Variants in PTCSC3 observed in about 807,000 individuals in gnomAD.
PTCSC3 encodes papillary thyroid carcinoma susceptibility candidate 3.
At chr14:36,143,632 T>G (rs1200136076) in intron 3 of PTCSC3, among the ~76,000 whole-genome samples, 3 of 149,768 alleles carry the variant, frequency 2.0e-5, no homozygotes, top group African/African-American at 4.9e-5. Context: ...GATGGTAGTT[T>G]CTTTTGCTAT....
chr14:36,142,394 G>T (rs1420526882), intron 3 of PTCSC3, among the ~76,000 whole-genome samples: 1 of 152,046 alleles, frequency 6.6e-6, no homozygotes, highest in Non-Finnish European at 1.5e-5. Flanking sequence ...GTATTTTGTT[G>T]GAGATTTTAA....
intron 2 of PTCSC3, among the ~76,000 whole-genome samples, chr14:36,159,730 G>T (rs1200522734): frequency 6.6e-6 from 1 of 152,184 alleles, no homozygotes; most frequent in Admixed American, 6.5e-5. Flanking sequence ...TTGATTTGGG[G>T]TGGAGAGTTC....
At chr14:36,155,897 G>A (rs1470935297) in intron 2 of PTCSC3, among the ~76,000 whole-genome samples, 1 of 152,090 alleles carries the variant, frequency 6.6e-6, no homozygotes, top group African/African-American at 2.4e-5. Flanking sequence ...TCTCCTTTGG[G>A]TTATTGTTCA....
chr14:36,137,585 G>C (rs1881316733), intron 3 of PTCSC3, among the ~76,000 whole-genome samples: 1 of 152,132 alleles, frequency 6.6e-6, no homozygotes, highest in Non-Finnish European at 1.5e-5. Context: ...GAAATGGTTG[G>C]ATTCTGTGTG....
intron 1 of PTCSC3, among the ~76,000 whole-genome samples, chr14:36,172,429 TA>T (rs1234456474): frequency 2.6e-5 from 4 of 151,972 alleles, no homozygotes; most frequent in East Asian, 1.9e-4. Flanking sequence ...AACAGGAAAA[TA>T]AAAAATGGTA....
chr14:36,170,560 G>A (rs1346111113), intron 1 of PTCSC3, among the ~76,000 whole-genome samples: 3 of 152,046 alleles, frequency 2.0e-5, no homozygotes, highest in Admixed American at 2.0e-4. Context: ...GCATTGTGGT[G>A]CCTGGCATGT....
chr14:36,166,174 G>C (rs1882083131), intron 1 of PTCSC3, among the ~76,000 whole-genome samples: 2 of 152,136 alleles, frequency 1.3e-5, no homozygotes, highest in Non-Finnish European at 2.9e-5. Flanking sequence ...TTGTGTGCAG[G>C]ATTTCATGCT....
At chr14:36,154,086 G>A (rs1443097700) in intron 2 of PTCSC3, among the ~76,000 whole-genome samples, 1 of 150,570 alleles carries the variant, frequency 6.6e-6, no homozygotes, top group Non-Finnish European at 1.5e-5. Flanking sequence ...AAAAACTACT[G>A]CTACAATATT....
rs936430680 is a variant in PTCSC3 at position 36,140,595 on chromosome 14, A to G, written n.323-4239T>C. On this transcript the variant is annotated intron_variant and non_coding_transcript_variant, in intron 3 of 3. Coordinates refer to ENST00000556013, the Ensembl canonical transcript of PTCSC3. The stretch of plus-strand genomic sequence containing the variant: ...TCCCTAATGACATGTGATGCTGAAC[A>G]TATTTTCATATGATCATTTGCCACA... 2.0e-5 allele frequency among the ~76,000 whole-genome samples: 3 copies of G among 152,322 alleles called. 1 individual carries two copies.
At chr14:36,147,713 G>A (rs891552291) in intron 3 of PTCSC3, among the ~76,000 whole-genome samples, 30 of 152,156 alleles carry the variant, frequency 2.0e-4, no homozygotes, top group Admixed American at 8.5e-4. Context: ...GAGGAACTGC[G>A]TTCCTTTGGA....
At position 36,140,943 on chromosome 14, in the gene PTCSC3, G is replaced by A. The variant is rs1328173539; in HGVS notation, n.323-4587C>T. On this transcript the variant is annotated intron_variant and non_coding_transcript_variant, in intron 3 of 3. Transcript: ENST00000556013. ...GTCTGTGTCTCGACTTTTTTGAGGG[G>A]GGAATACAAATGTCCAGTTTTTGTA... Among the ~76,000 whole-genome samples the A allele has an allele frequency of 2.0e-5, 3 of 151,982 alleles. No homozygotes were observed. The East Asian group carries it at 5.8e-4, about 29-fold the overall frequency.
chr14:36,155,716 T>G (rs781232045), intron 2 of PTCSC3, among the ~76,000 whole-genome samples: 22 of 152,160 alleles, frequency 1.4e-4, no homozygotes, highest in Admixed American at 6.5e-4. Context: ...CACAAAATAA[T>G]CCTAAGATTT....
At chr14:36,171,776 A>AG (rs1882198275) in intron 1 of PTCSC3, among the ~76,000 whole-genome samples, 1 of 152,176 alleles carries the variant, frequency 6.6e-6, no homozygotes, top group Non-Finnish European at 1.5e-5. Context: ...CCACATGAGG[A>AG]GGCTGGCTAG....
intron 1 of PTCSC3, among the ~76,000 whole-genome samples, chr14:36,175,335 G>C (rs1415040253): frequency 6.6e-6 from 1 of 152,122 alleles, no homozygotes. Flanking sequence ...GAAATCGGAT[G>C]CTTCACATAT....
At chr14:36,169,387 G>A (rs1882153257) in intron 1 of PTCSC3, among the ~76,000 whole-genome samples, 1 of 152,250 alleles carries the variant, frequency 6.6e-6, no homozygotes, top group Non-Finnish European at 1.5e-5. Flanking sequence ...GATGAGTATG[G>A]TTGTGTGTGT....
intron 2 of PTCSC3, among the ~76,000 whole-genome samples, chr14:36,161,968 G>A (rs1443016054): frequency 2.0e-5 from 3 of 152,160 alleles, no homozygotes; most frequent in African/African-American, 7.2e-5. Flanking sequence ...TGCGGTGGGC[G>A]TCTCCAAGTT....
intron 2 of PTCSC3, among the ~76,000 whole-genome samples, chr14:36,159,542 T>C (rs968594652): frequency 3.9e-5 from 6 of 152,204 alleles, no homozygotes; most frequent in African/African-American, 1.2e-4. Flanking sequence ...TCAGTTTCCA[T>C]GTAGTTGTGT....
intron 1 of PTCSC3, among the ~76,000 whole-genome samples, chr14:36,163,346 T>C (rs2139108457): frequency 6.6e-6 from 1 of 152,260 alleles, no homozygotes; most frequent in East Asian, 1.9e-4. Context: ...CAATATTTTT[T>C]ACCTCTTCTC....
intron 1 of PTCSC3, among the ~76,000 whole-genome samples, chr14:36,167,430 T>A (rs1433665403): frequency 1.3e-5 from 2 of 152,068 alleles, no homozygotes; most frequent in Non-Finnish European, 1.5e-5. Context: ...AGGAAAAACA[T>A]ACAATTTTAT....
Sources: allele counts gnomAD v4.1 joint callset (sites outside exome capture counted in the v4.1 genomes callset), GRCh38; gene constraint gnomAD v4.1.1; transcripts MANE v1.5; gene names NCBI Gene and HGNC (gene_info 2026-07-23, HGNC 2026-07-21).